Variants in GLB1L3 observed in about 807,000 individuals in gnomAD.
GLB1L3 encodes beta-galactosidase-1-like protein 3.
A neutral mutation model predicts 89.5 loss-of-function variants in GLB1L3; 89 were observed. That is an observed-to-expected ratio of 0.99 (90% CI 0.84 to 1.19). The LOEUF is 1.19. Ranked by LOEUF, GLB1L3 falls within the 50% of genes most tolerant of loss-of-function variation. The pLI is 0.00. For missense variants in GLB1L3, 812 were observed against 813.3 expected (o/e 1.00, Z 0.02); for synonymous variants, 314 against 312.3 (o/e 1.01, Z -0.06).
chr11:134,309,738 G>A lies in GLB1L3; in HGVS notation c.1074G>A (p.Lys358=). 1 of 1,613,462 alleles carries A rather than the reference G, an allele frequency of 6.2e-7. No homozygotes were observed. Among genetic ancestry groups the A allele is most frequent in the Non-Finnish European group, 8.5e-7 (1 of 1,179,666 alleles). Residue 358 remains lysine, a synonymous_variant, in exon 11 of 20, where the codon AAG becomes AAA. Coordinates refer to ENST00000431683, the MANE Select transcript of GLB1L3 (RefSeq NM_001080407.3). The part of the protein sequence containing the change: ...GFMNGATYFG[K]HSGIVTSYDY... ...TGAACGGGGCCACATATTTCGGGAA[G>A]CACTCGGGCATTGTCACCAGCTATG...
chr11:134,312,751 C>T (rs949348010), intron 14 of GLB1L3, 65 bp from the exon 15 acceptor site: 322 of 1,347,402 alleles, frequency 2.4e-4, no homozygotes, highest in Non-Finnish European at 3.1e-4. Context: ...CTCCCGAAAC[C>T]GCGGCCTCTC....
At chr11:134,286,483 G>GA (rs1345769827) in intron 6 of GLB1L3, among the ~76,000 whole-genome samples, 1 of 150,330 alleles carries the variant, frequency 6.7e-6, no homozygotes, top group Non-Finnish European at 1.5e-5. Flanking sequence ...CTCAAAACCA[G>GA]AAAGACTGGT....
Position 134,282,121 on chromosome 11 carries a change from G to A in GLB1L3, c.527+1G>A, listed in dbSNP as rs1176138264. On this transcript the variant is annotated splice_donor_variant, in intron 5 of 19. Transcript: ENST00000431683. LOFTEE classifies it high-confidence loss of function. ...AGATGGACCTCGGGGGCTTGCCCAG[G>A]TAAGCGGGGCTACAGTCCCAGAGTC... 6 of 1,565,650 alleles carry A rather than the reference G, an allele frequency of 3.8e-6. No individual in the cohort carries two copies. Among genetic ancestry groups the A allele is most frequent in the Non-Finnish European group, 5.2e-6 (6 of 1,152,784 alleles).
intron 9 of GLB1L3, among the ~76,000 whole-genome samples, chr11:134,293,516 G>A (rs1941473266): frequency 1.3e-5 from 2 of 152,114 alleles, no homozygotes; most frequent in Non-Finnish European, 2.9e-5. Context: ...ACGGCTATGC[G>A]CGTTGCTCAC....
At chr11:134,302,928 T>G (rs888878425) in intron 9 of GLB1L3, among the ~76,000 whole-genome samples, 6 of 152,210 alleles carry the variant, frequency 3.9e-5, no homozygotes, top group Non-Finnish European at 8.8e-5. Flanking sequence ...TGTTAATATT[T>G]CTATCATAAT....
chr11:134,276,826 A>T, intron 1 of GLB1L3, 63 bp downstream of exon 1: 1 of 1,291,426 alleles, frequency 7.7e-7, no homozygotes, highest in Non-Finnish European at 9.9e-7. Flanking sequence ...GGGAGCCTCC[A>T]CCCTCCCCGG....
intron 18 of GLB1L3, among the ~76,000 whole-genome samples, chr11:134,314,714 A>G (rs1283861801): frequency 6.6e-6 from 1 of 152,194 alleles, no homozygotes; most frequent in Non-Finnish European, 1.5e-5. Flanking sequence ...CATTCCAATT[A>G]GTCTCTGCTT....
At chr11:134,288,668 G>A (rs891626762) in intron 6 of GLB1L3, 130 bp from the exon 7 acceptor site, 2 of 614,908 alleles carry the variant, frequency 3.3e-6, no homozygotes, top group African/African-American at 1.9e-5. Flanking sequence ...GGAGCAGAGC[G>A]TGCAGACCAC....
Position 134,277,070 on chromosome 11 carries a change from C to A in GLB1L3, c.24-256C>A, listed in dbSNP as rs1250840834. 4 of 580,554 alleles carry A rather than the reference C, an allele frequency of 6.9e-6. No homozygotes were observed. The East Asian group carries it at 8.7e-5, about 13-fold the overall frequency. 36.0% of individuals were successfully genotyped at this position (580,554 alleles called of 1,614,324 possible). On this transcript the variant is annotated intron_variant, in intron 1 of 19. Coordinates refer to ENST00000431683, the MANE Select transcript of GLB1L3 (RefSeq NM_001080407.3). Reference sequence around the variant, plus strand: ...TGCGCCCGCCTCCGCCTCTCCCAGGCACCCACCGGCACTGCCCAGCCCTGT... The same window carrying A: ...TGCGCCCGCCTCCGCCTCTCCCAGGAACCCACCGGCACTGCCCAGCCCTGT...
chr11:134,300,801 A>G (rs1330221528), intron 9 of GLB1L3, among the ~76,000 whole-genome samples: 1 of 152,148 alleles, frequency 6.6e-6, no homozygotes, highest in African/African-American at 2.4e-5. Flanking sequence ...CCCCGGTGAC[A>G]TGGGATTAAG....
intron 13 of GLB1L3, chr11:134,311,426 T>C (rs907801134): frequency 1.1e-5 from 5 of 459,630 alleles, no homozygotes; most frequent in Non-Finnish European, 2.0e-5. Flanking sequence ...TGTCTGGAGA[T>C]GCTCTTGTTT....
At chr11:134,308,333 CATCACCATCATCACCATCACCACT>C (rs1278748763) in intron 10 of GLB1L3, among the ~76,000 whole-genome samples, 5 of 50,670 alleles carry the variant, frequency 9.9e-5, no homozygotes, top group Admixed American at 2.8e-4. Context: ...TCACCATCAC[CATCACCATCATCACCATCACCACT>C]ACCACCACCA....
intron 9 of GLB1L3, among the ~76,000 whole-genome samples, chr11:134,295,528 T>C (rs1311142869): frequency 6.6e-6 from 1 of 152,166 alleles, no homozygotes; most frequent in African/African-American, 2.4e-5. Flanking sequence ...GGCTAGAAGT[T>C]TATAATTTTT....
At chr11:134,291,955 A>T (rs1941385386) in intron 7 of GLB1L3, among the ~76,000 whole-genome samples, 177 bp from the exon 8 acceptor site, 1 of 152,248 alleles carries the variant, frequency 6.6e-6, no homozygotes, top group Non-Finnish European at 1.5e-5. Context: ...AGCCCGGGGA[A>T]ACACAGCAAG....
intron 7 of GLB1L3, among the ~76,000 whole-genome samples, chr11:134,290,748 A>G (rs1941315064): frequency 6.6e-6 from 1 of 152,034 alleles, no homozygotes; most frequent in Admixed American, 6.6e-5. Flanking sequence ...CAGCCATGGC[A>G]GGCTTCCTTG....
rs976042945 is a variant in GLB1L3 at position 134,283,862 on chromosome 11, C to T, written c.636+17C>T. 3.4e-6 allele frequency: 5 copies of T among 1,451,296 alleles called. No homozygotes were observed. In the African/African-American group the frequency reaches 7.0e-5, roughly 20 times the overall value. 89.9% of individuals were successfully genotyped at this position (1,451,296 alleles called of 1,614,324 possible). A position where few individuals can be genotyped will look rare whatever the true frequency, so the allele number is the denominator to read the frequency against. On this transcript the variant is annotated intron_variant, in intron 6 of 19. Coordinates refer to ENST00000431683, the MANE Select transcript of GLB1L3 (RefSeq NM_001080407.3). ...CCTCTCCAGGTAAAGCCAAATTGTC[C>T]CCTGCATCTTTCTTACGTGCCCTTT...
chr11:134,318,832 A>C (rs772991282), intron 19 of GLB1L3, 45 bp from the exon 20 acceptor site: 8 of 1,573,370 alleles, frequency 5.1e-6, no homozygotes, highest in Middle Eastern at 1.7e-4. Flanking sequence ...ACCTGTACTA[A>C]ATAGGCTTCA....
At chr11:134,314,076 C>CA (rs1942876973) in intron 17 of GLB1L3, 48 bp downstream of exon 17, 2 of 1,200,868 alleles carry the variant, frequency 1.7e-6, no homozygotes, top group Non-Finnish European at 2.5e-6. Flanking sequence ...TCGGGGAACT[C>CA]AGAGATTTCA....
chr11:134,293,444 A>AGGGGT (rs1941469692), intron 9 of GLB1L3, among the ~76,000 whole-genome samples: 3 of 151,922 alleles, frequency 2.0e-5, no homozygotes, highest in Non-Finnish European at 4.4e-5. Context: ...GGGAAGGGCG[A>AGGGGT]GGGGTGGTGG....
Sources: allele counts gnomAD v4.1 joint callset (sites outside exome capture counted in the v4.1 genomes callset), GRCh38; gene constraint gnomAD v4.1.1; transcripts MANE v1.5; gene names NCBI Gene and HGNC (gene_info 2026-07-23, HGNC 2026-07-21).